The following RPTOR variants were observed in gnomAD, a reference collection of about 807,000 sequenced individuals.
The protein encoded by RPTOR is regulatory-associated protein of mTOR.
Under a neutral mutation model 169.9 loss-of-function variants are expected in RPTOR, and 21 were observed. That is an observed-to-expected ratio of 0.12 (90% CI 0.09 to 0.18). RPTOR has a LOEUF of 0.18. Ranked by LOEUF, RPTOR falls within the 10% of genes least tolerant of loss-of-function variation. The pLI is 1.00. For synonymous variants in RPTOR, 732 were observed against 753.2 expected, an observed-to-expected ratio of 0.97 and a Z score of 0.46; for missense variants, 1,133 against 1,855.9, an observed-to-expected ratio of 0.61 and a Z score of 7.16.
intron 5 of RPTOR, among the ~76,000 whole-genome samples, chr17:80,734,895 G>A (rs1054187047): frequency 3.9e-5 from 6 of 152,206 alleles, no homozygotes; most frequent in Non-Finnish European, 8.8e-5. Context: ...TACGTTTACA[G>A]CATTCACATG....
intron 24 of RPTOR, among the ~76,000 whole-genome samples, chr17:80,939,182 T>C (rs6565498): frequency 0.89 from 135,176 of 152,300 alleles, 60,204 homozygotes; most frequent in African/African-American, 0.95. Flanking sequence ...GGAACAGAAT[T>C]AGCCAGATTG....
rs2067185233 is a variant in RPTOR, at chr17:80,803,561, GGCCAGCTC to G, written c.890+12054_890+12061del. On this transcript the variant is annotated intron_variant, in intron 7 of 33. Transcript: ENST00000306801. This position sits in a 1 kb window ranked among gnomAD's most constrained non-coding sequence, Gnocchi z 6.2. ...CGATGCCAGTATGTTTTGCGTGAGT[GGCCAGCTC>G]GTCAGCGGGGCCTCGGGTTCCAGGC... 6.6e-6 allele frequency: 1 copy of G among 152,238 alleles called. No individual in the cohort carries two copies. The highest frequency in any genetic ancestry group is 6.5e-5 in the Admixed American group (1 of 15,286). The allele number at this position is 152,238 out of a possible 1,614,324, so 9.4% of individuals were successfully genotyped here.
chr17:80,903,716 G>A (rs1036539538), intron 20 of RPTOR, among the ~76,000 whole-genome samples: 27 of 152,206 alleles, frequency 1.8e-4, no homozygotes, highest in Admixed American at 1.4e-3. Flanking sequence ...TACAAGCCCC[G>A]CGTGCAGCTC....
chr17:80,773,871 C>T, intron 6 of RPTOR: 1 of 985,342 alleles, frequency 1.0e-6, no homozygotes, highest in Non-Finnish European at 1.2e-6. Context: ...CATCAGAGCT[C>T]CCTCAGACGT....
chr17:80,946,297 T>G (rs1415231263), intron 26 of RPTOR, among the ~76,000 whole-genome samples: 2 of 152,246 alleles, frequency 1.3e-5, no homozygotes, highest in Admixed American at 1.3e-4. Context: ...ACACCTCCAT[T>G]TCTTTTTCCT....
intron 2 of RPTOR, among the ~76,000 whole-genome samples, chr17:80,641,027 CTGTT>C (rs2065549914): frequency 6.6e-6 from 1 of 152,212 alleles, no homozygotes; most frequent in African/African-American, 2.4e-5. Context: ...TCTTTGGCAT[CTGTT>C]TGTTAAAGCT....
chr17:80,945,634 C>T, intron 25 of RPTOR, 33 bp from the exon 26 acceptor site: 2 of 1,326,414 alleles, frequency 1.5e-6, no homozygotes, highest in Non-Finnish European at 1.1e-6. Flanking sequence ...GATGCTGGCT[C>T]CTGGATCCAC....
intron 7 of RPTOR, among the ~76,000 whole-genome samples, chr17:80,793,657 GC>G (rs1479994296): frequency 6.6e-6 from 1 of 151,540 alleles, no homozygotes; most frequent in South Asian, 2.1e-4. Flanking sequence ...TCCGGACAGA[GC>G]CCCCCGGTCA....
intron 1 of RPTOR, among the ~76,000 whole-genome samples, chr17:80,555,780 G>C: frequency 6.6e-6 from 1 of 152,184 alleles, no homozygotes; most frequent in East Asian, 1.9e-4. Flanking sequence ...TCATGTAGTT[G>C]GTGATGGGGA....
At chr17:80,652,998 T>C (rs1483517340) in intron 3 of RPTOR, among the ~76,000 whole-genome samples, 3 of 152,264 alleles carry the variant, frequency 2.0e-5, no homozygotes, top group African/African-American at 7.2e-5. Flanking sequence ...TGATGATTAG[T>C]GATGTTGCCA....
At chr17:80,607,822 T>C (rs1265064953) in intron 1 of RPTOR, among the ~76,000 whole-genome samples, 1 of 151,990 alleles carries the variant, frequency 6.6e-6, no homozygotes, top group Non-Finnish European at 1.5e-5. Context: ...TTAAAGTTAA[T>C]TAAACCCCGT....
intron 3 of RPTOR, among the ~76,000 whole-genome samples, chr17:80,649,498 T>C (rs1253840602): frequency 6.6e-6 from 1 of 152,128 alleles, no homozygotes; most frequent in South Asian, 2.1e-4. Flanking sequence ...CTTGAGTTTC[T>C]GTGACAAGCT....
chr17:80,832,411 C>G (rs1252549759), intron 9 of RPTOR, among the ~76,000 whole-genome samples: 1 of 152,324 alleles, frequency 6.6e-6, no homozygotes, highest in East Asian at 1.9e-4. Flanking sequence ...TTGGAGCTCA[C>G]ATGCCCATCG....
chr17:80,683,082 G>A (rs558203577), intron 3 of RPTOR, among the ~76,000 whole-genome samples: 4 of 152,326 alleles, frequency 2.6e-5, no homozygotes, highest in African/African-American at 9.6e-5. Context: ...GATTACAGGC[G>A]CGAGCCAAGC....
intron 1 of RPTOR, among the ~76,000 whole-genome samples, chr17:80,569,772 C>G (rs903917766): frequency 6.6e-6 from 1 of 152,082 alleles, no homozygotes; most frequent in African/African-American, 2.4e-5. Flanking sequence ...TTTGGTGACC[C>G]CTAGTCTAGA....
intron 10 of RPTOR, among the ~76,000 whole-genome samples, chr17:80,838,658 G>GAGCA (rs923682422): frequency 6.6e-6 from 1 of 152,242 alleles, no homozygotes; most frequent in Admixed American, 6.5e-5. Context: ...GAATGCAAGG[G>GAGCA]AGCAATCGGC....
chr17:80,923,733 G>A, intron 23 of RPTOR, 60 bp downstream of exon 23: 2 of 1,473,722 alleles, frequency 1.4e-6, no homozygotes, highest in Non-Finnish European at 1.8e-6. Flanking sequence ...TCAGATGGGG[G>A]CTCATGGCCT....
chr17:80,580,828 A>G (rs888172647), intron 1 of RPTOR, among the ~76,000 whole-genome samples: 1 of 151,980 alleles, frequency 6.6e-6, no homozygotes. Context: ...GGGTCTCCCT[A>G]TGTTGCCTAG....
At chr17:80,675,102 T>G (rs1258169515) in intron 3 of RPTOR, among the ~76,000 whole-genome samples, 1 of 152,210 alleles carries the variant, frequency 6.6e-6, no homozygotes, top group Non-Finnish European at 1.5e-5. Flanking sequence ...CAGTCTGTTT[T>G]GAAGCCTTTC....
Sources: gnomAD v4.1 joint callset for allele counts (sites outside exome capture counted in the v4.1 genomes callset) on GRCh38, gnomAD v4.1.1 for gene constraint, Gnocchi (gnomAD v3.1) non-coding constraint, MANE v1.5 for transcripts, NCBI Gene and HGNC (gene_info 2026-07-23, HGNC 2026-07-21) for gene names.